Variants in ARB2A observed in about 807,000 individuals in gnomAD.
The protein encoded by ARB2A is ARB2 cotranscriptional regulator A, also known as cotranscriptional regulator ARB2A.
At chr5:93,714,482 G>A in the ARB2A span, among the ~76,000 whole-genome samples, 1 of 152,160 alleles carries the variant, frequency 6.6e-6, no homozygotes, top group Admixed American at 6.5e-5. Context: ...CTCACTGTAA[G>A]CGCAGATGAA....
At chr5:93,770,521 C>G in the ARB2A span, among the ~76,000 whole-genome samples, 4 of 152,080 alleles carry the variant, frequency 2.6e-5, no homozygotes, top group African/African-American at 9.7e-5. Flanking sequence ...CAAACTGTCC[C>G]TGTTTGCAGA....
chr5:93,741,834 G>C, the ARB2A span: 3 of 426,978 alleles, frequency 7.0e-6, no homozygotes, highest in Admixed American at 3.9e-5. Flanking sequence ...AAGCTGTCTG[G>C]AGTCCCTTAC....
the ARB2A span, among the ~76,000 whole-genome samples, chr5:93,900,608 T>C: frequency 7.3e-6 from 1 of 137,710 alleles, no homozygotes; most frequent in African/African-American, 2.7e-5. Context: ...AGTGAGACGC[T>C]GTCTCAAAAA....
the ARB2A span, among the ~76,000 whole-genome samples, chr5:93,907,817 G>A: frequency 6.6e-6 from 1 of 151,258 alleles, no homozygotes; most frequent in Admixed American, 6.6e-5. Flanking sequence ...TGCTTAGGAA[G>A]ACATGTATCA....
chr5:93,706,733 G>T, the ARB2A span, among the ~76,000 whole-genome samples: 3 of 152,106 alleles, frequency 2.0e-5, no homozygotes, highest in African/African-American at 7.2e-5. Context: ...AGGCGTGGTG[G>T]CTCATGCCTA....
At chr5:93,933,860 G>C in the ARB2A span, among the ~76,000 whole-genome samples, 1 of 152,014 alleles carries the variant, frequency 6.6e-6, no homozygotes, top group Admixed American at 6.6e-5. Context: ...ATAAAAATTA[G>C]CCAGGAGTGG....
chr5:93,823,858 G>A, the ARB2A span, among the ~76,000 whole-genome samples: 4 of 152,236 alleles, frequency 2.6e-5, no homozygotes, highest in South Asian at 8.3e-4. Flanking sequence ...GGGAGGCTGA[G>A]GCAGGAGAAT....
the ARB2A span, among the ~76,000 whole-genome samples, chr5:93,949,743 T>G: frequency 2.5e-4 from 38 of 152,080 alleles, 1 homozygote; most frequent in African/African-American, 8.9e-4. Flanking sequence ...TCTTACTCAG[T>G]CTATCTCACT....
the ARB2A span, among the ~76,000 whole-genome samples, chr5:93,765,195 G>A: frequency 1.3e-5 from 2 of 152,072 alleles, no homozygotes; most frequent in Non-Finnish European, 2.9e-5. Flanking sequence ...TTCTGGCCAG[G>A]GCAATTAGGC....
At chr5:93,953,069 T>A in the ARB2A span, among the ~76,000 whole-genome samples, 2 of 152,334 alleles carry the variant, frequency 1.3e-5, no homozygotes, top group East Asian at 3.9e-4. Flanking sequence ...AGCTTGAGTT[T>A]ATTTAAGTGT....
At chr5:94,033,506 C>A in the ARB2A span, among the ~76,000 whole-genome samples, 7 of 152,288 alleles carry the variant, frequency 4.6e-5, no homozygotes, top group South Asian at 1.2e-3. Flanking sequence ...CTCACAGCAA[C>A]CTCCTCCACC....
At chr5:93,954,303 T>C in the ARB2A span, among the ~76,000 whole-genome samples, 1 of 151,826 alleles carries the variant, frequency 6.6e-6, no homozygotes, top group African/African-American at 2.4e-5. Context: ...TCACTGGTGG[T>C]TAGTTAGGGC....
the ARB2A span, among the ~76,000 whole-genome samples, chr5:93,795,399 C>T: frequency 3.3e-5 from 5 of 152,088 alleles, no homozygotes; most frequent in South Asian, 2.1e-4. Context: ...TGAGAAGGCA[C>T]GCAGACTCAC....
chr5:93,795,218 G>T, the ARB2A span, among the ~76,000 whole-genome samples: 1 of 152,012 alleles, frequency 6.6e-6, no homozygotes, highest in Non-Finnish European at 1.5e-5. Flanking sequence ...CATGCAGGTT[G>T]CCAGGAAAGT....
the ARB2A span, among the ~76,000 whole-genome samples, chr5:93,917,025 A>G: frequency 1.3e-5 from 2 of 152,200 alleles, no homozygotes; most frequent in Non-Finnish European, 2.9e-5. Flanking sequence ...GCTTACAAAC[A>G]TATTCTTTCC....
the ARB2A span, among the ~76,000 whole-genome samples, chr5:93,839,711 T>C: frequency 6.6e-6 from 1 of 152,112 alleles, no homozygotes; most frequent in African/African-American, 2.4e-5. Flanking sequence ...GAACTCATTA[T>C]TGGTCTGTTC....
chr5:93,799,068 A>C, the ARB2A span, among the ~76,000 whole-genome samples: 1 of 152,048 alleles, frequency 6.6e-6, no homozygotes, highest in Non-Finnish European at 1.5e-5. Flanking sequence ...CATCTTTGTC[A>C]GAAATTATGT....
chr5:93,876,722 ATTGT>A, the ARB2A span, among the ~76,000 whole-genome samples: 2 of 152,094 alleles, frequency 1.3e-5, no homozygotes, highest in African/African-American at 2.4e-5. Context: ...TTAAACAATC[ATTGT>A]TTGTAATACA....
At chr5:93,911,754 A>G in the ARB2A span, among the ~76,000 whole-genome samples, 2 of 151,522 alleles carry the variant, frequency 1.3e-5, no homozygotes, top group Non-Finnish European at 3.0e-5. Context: ...TCTTTCTTTG[A>G]TCTTCCTCAG....
Sources: allele counts gnomAD v4.1 joint callset (sites outside exome capture counted in the v4.1 genomes callset), GRCh38; gene constraint gnomAD v4.1.1; transcripts MANE v1.5; gene names NCBI Gene and HGNC (gene_info 2026-07-23, HGNC 2026-07-21).